Variants in SMARCD1 observed in about 807,000 individuals in gnomAD.
SMARCD1 encodes SWI/SNF-related matrix-associated actin-dependent regulator of chromatin subfamily D member 1.
Under a neutral mutation model 70.8 loss-of-function variants are expected in SMARCD1, and 16 were observed. That is an observed-to-expected ratio of 0.23 (90% CI 0.15 to 0.34). The LOEUF is 0.34. Among genes scored for constraint, SMARCD1 ranks in the 10% least tolerant of loss-of-function variants. The probability of loss-of-function intolerance (pLI) is 1.00; values close to 1 mark genes in which losing one functional copy is unlikely to be tolerated. For missense variants in SMARCD1, 409 were observed against 655.5 expected (o/e 0.62, Z 4.11); for synonymous variants, 249 against 246.0 (o/e 1.01, Z -0.11).
intron 5 of SMARCD1, 53 bp from the exon 6 acceptor site, chr12:50,088,468 T>G: frequency 1.0e-6 from 1 of 975,374 alleles, no homozygotes; most frequent in Non-Finnish European, 1.6e-6. Context: ...GATTTTGTCT[T>G]GGGAAGTTTC....
chr12:50,088,657 A>G lies in SMARCD1; in HGVS notation c.771+20A>G. On this transcript the variant is annotated intron_variant, in intron 6 of 12. Coordinates refer to ENST00000394963, the MANE Select transcript of SMARCD1 (RefSeq NM_003076.5). ...GTAGAAGTGAGTAGCTCTGCCTTCT[A>G]GGCTTTGACTCTGATTGGAGGATGA... The G allele has an allele frequency of 3.8e-6, 5 of 1,304,120 alleles. No homozygotes were observed. The highest frequency in any genetic ancestry group is 5.5e-6 in the Non-Finnish European group (5 of 907,542). 80.8% of individuals were successfully genotyped at this position (1,304,120 alleles called of 1,614,324 possible).
chr12:50,095,866 C>T (rs1950889369), intron 10 of SMARCD1, among the ~76,000 whole-genome samples: 1 of 152,160 alleles, frequency 6.6e-6, no homozygotes, highest in African/African-American at 2.4e-5. Context: ...AGCCAGATGC[C>T]TAATTATGAA....
chr12:50,087,341 A>C (rs775506791), intron 4 of SMARCD1, 22 bp from the exon 5 acceptor site: 1 of 1,612,464 alleles, frequency 6.2e-7, no homozygotes, highest in East Asian at 2.2e-5. Context: ...CCCACGATCA[A>C]TCCTGTTTCT....
intron 9 of SMARCD1, among the ~76,000 whole-genome samples, chr12:50,092,171 T>C (rs1313341579): frequency 2.0e-5 from 3 of 152,058 alleles, no homozygotes; most frequent in Non-Finnish European, 4.4e-5. Context: ...AGTCTCTTTG[T>C]CTTCCTTCCT....
rs781289537 is a variant in SMARCD1, at chr12:50,098,944, T to C, written c.1495-3T>C. ...TCCACTCCCTTCACTATTTTCTCCT[T>C]AGGTGCAGCAGAGACGACAAGAATT... On this transcript the variant is annotated splice_region_variant and splice_polypyrimidine_tract_variant and intron_variant, in intron 12 of 12. Coordinates refer to ENST00000394963, the MANE Select transcript of SMARCD1 (RefSeq NM_003076.5). The C allele has an allele frequency of 6.2e-7, 1 of 1,614,034 alleles. No homozygotes were observed.
intron 4 of SMARCD1, 171 bp downstream of exon 4, chr12:50,087,049 C>A: frequency 2.8e-6 from 2 of 726,908 alleles, no homozygotes; most frequent in East Asian, 5.4e-5. Flanking sequence ...AACAGAATGG[C>A]AAAGGGGGAG....
intron 9 of SMARCD1, among the ~76,000 whole-genome samples, chr12:50,092,281 T>C (rs1349120906): frequency 6.9e-6 from 1 of 145,902 alleles, no homozygotes; most frequent in Non-Finnish European, 1.5e-5. Flanking sequence ...TCTCACTCTG[T>C]TGCACAATCT....
At chr12:50,098,202 G>A (rs1950909734) in intron 11 of SMARCD1, among the ~76,000 whole-genome samples, 1 of 152,242 alleles carries the variant, frequency 6.6e-6, no homozygotes, top group Non-Finnish European at 1.5e-5. Context: ...TGATTGCAGA[G>A]GTGACTGGGT....
chr12:50,093,290 G>A (rs540171618), intron 9 of SMARCD1, among the ~76,000 whole-genome samples: 103 of 151,852 alleles, frequency 6.8e-4, no homozygotes, highest in Admixed American at 3.0e-3. Flanking sequence ...CCAGGTTCAA[G>A]CAATTCTCGT....
Position 50,088,508 on chromosome 12 carries a change from T to G in SMARCD1, c.655-13T>G. 1 of 1,438,436 alleles carries G rather than the reference T, an allele frequency of 7.0e-7. No individual in the cohort carries two copies. Among genetic ancestry groups the G allele is most frequent in the Non-Finnish European group, 9.6e-7 (1 of 1,043,332 alleles). 89.1% of individuals were successfully genotyped at this position (1,438,436 alleles called of 1,614,324 possible). On this transcript the variant is annotated splice_polypyrimidine_tract_variant and intron_variant, in intron 5 of 12. Transcript: ENST00000394963. Reference sequence around the variant, plus strand: ...GGCCTTTCCTAATGTGATTTTTATTTTCTCTCCTCTAGTCAGCCTTGTCCA... The same window carrying G: ...GGCCTTTCCTAATGTGATTTTTATTGTCTCTCCTCTAGTCAGCCTTGTCCA...
At chr12:50,092,642 A>C (rs142819926) in intron 9 of SMARCD1, among the ~76,000 whole-genome samples, 4 of 152,090 alleles carry the variant, frequency 2.6e-5, no homozygotes, top group African/African-American at 9.6e-5. Flanking sequence ...CTCAACCTAT[A>C]AATTAGGTCA....
At chr12:50,094,383 A>AATT in intron 9 of SMARCD1, 54 bp from the exon 10 acceptor site, 1 of 1,562,482 alleles carries the variant, frequency 6.4e-7, no homozygotes. Flanking sequence ...GACCCTGTGT[A>AATT]ATTAGGTCTT....
Position 50,093,510 on chromosome 12 carries a change from G to A in SMARCD1, c.1134-927G>A, listed in dbSNP as rs562183189. ...ATTATTATTTCTTTTTTGAGACAGAGTCTCTCTCTGTTGCCCAGGCTGGAG... is the reference window on the plus strand; with the variant it reads ...ATTATTATTTCTTTTTTGAGACAGAATCTCTCTCTGTTGCCCAGGCTGGAG... On this transcript the variant is annotated intron_variant, in intron 9 of 12. Transcript: ENST00000394963. Among the ~76,000 whole-genome samples, 4 of 152,074 alleles carry A rather than the reference G, an allele frequency of 2.6e-5. No homozygotes were observed. The South Asian group carries it at 8.3e-4, about 32-fold the overall frequency.
chr12:50,096,765 C>A, intron 10 of SMARCD1, 85 bp from the exon 11 acceptor site: 2 of 1,307,216 alleles, frequency 1.5e-6, no homozygotes, highest in South Asian at 1.3e-5. Flanking sequence ...TTGGAAGTGG[C>A]ATGTGGAGTT....
chr12:50,087,340 A>T (rs769690412), intron 4 of SMARCD1, 23 bp from the exon 5 acceptor site: 1 of 1,612,306 alleles, frequency 6.2e-7, no homozygotes, highest in Non-Finnish European at 8.5e-7. Context: ...CCCCACGATC[A>T]ATCCTGTTTC....
At chr12:50,088,668 C>G in intron 6 of SMARCD1, 31 bp downstream of exon 6, 1 of 1,208,084 alleles carries the variant, frequency 8.3e-7, no homozygotes, top group Non-Finnish European at 1.2e-6. Flanking sequence ...GGCTTTGACT[C>G]TGATTGGAGG....
rs970699765 is a variant in SMARCD1 at position 50,100,574 on chromosome 12, T to G, written c.*1574T>G. ...TTTATTAACTGAATTGTTTTTTTCA[T>G]GGACCAAACTTTTTTTTGTACTGTC... On this transcript the variant is annotated 3_prime_UTR_variant, in exon 13 of 13. Coordinates refer to ENST00000394963, the MANE Select transcript of SMARCD1 (RefSeq NM_003076.5). 2 of 152,632 alleles carry G rather than the reference T, an allele frequency of 1.3e-5. No homozygotes were observed. The highest frequency in any genetic ancestry group is 4.8e-5 in the African/African-American group (2 of 41,448). 9.5% of individuals were successfully genotyped at this position (152,632 alleles called of 1,614,324 possible).
chr12:50,096,692 C>A, intron 10 of SMARCD1, 158 bp from the exon 11 acceptor site: 1 of 596,360 alleles, frequency 1.7e-6, no homozygotes, highest in Non-Finnish European at 2.9e-6. Flanking sequence ...GAAAGAATGC[C>A]AAGGGTCGGA....
In SMARCD1 at chr12:50,085,353, T is replaced by G; in HGVS notation, c.-17T>G. ...GGTTCCGGTTCTTTGTGCGGCTGCA[T>G]CGGCGGCTCCGGGAAGATGGCGGCC... On this transcript the variant is annotated 5_prime_UTR_variant, in exon 1 of 13. Coordinates refer to ENST00000394963, the MANE Select transcript of SMARCD1 (RefSeq NM_003076.5). 7.9e-7 allele frequency: 1 copy of G among 1,262,356 alleles called. No individual in the cohort carries two copies. Among genetic ancestry groups the G allele is most frequent in the Non-Finnish European group, 9.9e-7 (1 of 1,005,900 alleles). The allele number at this position is 1,262,356 out of a possible 1,614,324, so 78.2% of individuals were successfully genotyped here. A position where few individuals can be genotyped will look rare whatever the true frequency, so the allele number is the denominator to read the frequency against.
Sources: allele counts gnomAD v4.1 joint callset (sites outside exome capture counted in the v4.1 genomes callset), GRCh38; gene constraint gnomAD v4.1.1; transcripts MANE v1.5; gene names NCBI Gene and HGNC (gene_info 2026-07-23, HGNC 2026-07-21).